The following CHODL variants were observed in gnomAD, a reference collection of about 807,000 sequenced individuals.
CHODL encodes the protein transmembrane protein MT75.
A neutral mutation model predicts 34.5 loss-of-function variants in CHODL; 29 were observed. The ratio of observed to expected loss-of-function variants is 0.84; its 90% CI spans 0.63 to 1.15. CHODL has a LOEUF of 1.15. Among genes scored for constraint, CHODL ranks in the 50% most tolerant of loss-of-function variants. CHODL has a pLI of 0.00. For missense variants in CHODL, 332 were observed against 332.5 expected (o/e 1.00, Z 0.01); for synonymous variants, 125 against 116.1 (o/e 1.08, Z -0.49).
chr21:18,109,958 G>GA (rs1340643698), intron 2 of CHODL, among the ~76,000 whole-genome samples: 7 of 152,030 alleles, frequency 4.6e-5, no homozygotes, highest in African/African-American at 1.7e-4. Flanking sequence ...AAGGAGAAAG[G>GA]AAAAAACTAT....
chr21:18,193,738 A>T (rs1016616167), intron 2 of CHODL, among the ~76,000 whole-genome samples: 1 of 150,652 alleles, frequency 6.6e-6, no homozygotes. Flanking sequence ...TAAATAAATA[A>T]ATAAATAAAA....
chr21:18,011,262 A>T (rs964865573), intron 1 of CHODL, among the ~76,000 whole-genome samples: 1 of 148,338 alleles, frequency 6.7e-6, no homozygotes, highest in Non-Finnish European at 1.5e-5. Context: ...CTGAGAAAAA[A>T]GTCGAACATT....
intron 2 of CHODL, among the ~76,000 whole-genome samples, chr21:18,092,801 G>C (rs779893267): frequency 7.9e-5 from 12 of 152,098 alleles, no homozygotes; most frequent in Non-Finnish European, 1.6e-4. Context: ...ATACAAAACA[G>C]TAAAGCTCAC....
At chr21:18,166,975 G>T (rs1456117580) in intron 2 of CHODL, among the ~76,000 whole-genome samples, 1 of 151,858 alleles carries the variant, frequency 6.6e-6, no homozygotes, top group Non-Finnish European at 1.5e-5. Context: ...GTAATTCTGT[G>T]GAATTTTTTG....
At chr21:17,941,924 T>C (rs1026515514) in intron 1 of CHODL, among the ~76,000 whole-genome samples, 6 of 152,150 alleles carry the variant, frequency 3.9e-5, no homozygotes, top group Admixed American at 1.3e-4. Context: ...TGCCACTCTC[T>C]GGGGCCACTT....
chr21:17,919,592 A>G (rs2063168294), intron 1 of CHODL, among the ~76,000 whole-genome samples: 1 of 152,050 alleles, frequency 6.6e-6, no homozygotes, highest in Non-Finnish European at 1.5e-5. Flanking sequence ...CAAGCCTATG[A>G]TAAGAGGGGC....
intron 2 of CHODL, among the ~76,000 whole-genome samples, chr21:18,098,766 T>G (rs1479293057): frequency 6.6e-6 from 1 of 152,086 alleles, no homozygotes; most frequent in Admixed American, 6.6e-5. Context: ...CAAAGAGATA[T>G]TTGTATTCCC....
intron 1 of CHODL, among the ~76,000 whole-genome samples, chr21:17,970,983 G>A (rs1024518402): frequency 1.3e-5 from 2 of 152,036 alleles, no homozygotes; most frequent in African/African-American, 2.4e-5. Flanking sequence ...AAGATGTGCT[G>A]TTCGGTTTTC....
chr21:18,012,010 T>C (rs1022678635), intron 1 of CHODL, among the ~76,000 whole-genome samples: 7 of 152,374 alleles, frequency 4.6e-5, no homozygotes, highest in African/African-American at 1.7e-4. Flanking sequence ...TCTTTAATAT[T>C]CTGTTTTTAA....
At chr21:18,129,888 TTCTCTGTGTGTG>T (rs2072632016) in intron 2 of CHODL, among the ~76,000 whole-genome samples, 1 of 110,076 alleles carries the variant, frequency 9.1e-6, no homozygotes, top group Non-Finnish European at 1.8e-5. Context: ...CTCTCTGTCT[TTCTCTGTGTGTG>T]TGTGTGTGTG....
intron 5 of CHODL, among the ~76,000 whole-genome samples, chr21:18,265,401 T>C (rs2074446698): frequency 1.3e-5 from 2 of 151,936 alleles, no homozygotes; most frequent in Admixed American, 1.3e-4. Context: ...AGACTGTTAT[T>C]CTAAGTGAAG....
chr21:18,153,048 A>G (rs1034430495), intron 2 of CHODL, among the ~76,000 whole-genome samples: 1 of 152,210 alleles, frequency 6.6e-6, no homozygotes, highest in Non-Finnish European at 1.5e-5. Flanking sequence ...CATTATGATC[A>G]ATACACTCTA....
chr21:18,245,338 G>C, intron 1 of CHODL, 36 bp downstream of exon 1: 1 of 1,481,356 alleles, frequency 6.8e-7, no homozygotes, highest in African/African-American at 1.4e-5. Flanking sequence ...GAACGAGCGG[G>C]GAGAGGGGAC....
chr21:17,919,785 G>C (rs1165887613), intron 1 of CHODL, among the ~76,000 whole-genome samples: 1 of 152,104 alleles, frequency 6.6e-6, no homozygotes, highest in Admixed American at 6.5e-5. Context: ...CTTTTATGCT[G>C]TTTCCCTTAT....
intron 1 of CHODL, among the ~76,000 whole-genome samples, chr21:17,991,198 T>G (rs186301907): frequency 6.6e-5 from 10 of 152,250 alleles, no homozygotes; most frequent in Admixed American, 6.5e-4. Flanking sequence ...TCTTTATCCA[T>G]TCATCATTGA....
chr21:17,957,289 G>A (rs1396140798), intron 1 of CHODL, among the ~76,000 whole-genome samples: 4 of 151,838 alleles, frequency 2.6e-5, no homozygotes, highest in East Asian at 1.9e-4. Flanking sequence ...TCTATTCTTC[G>A]GTTGCAGAAT....
intron 2 of CHODL, among the ~76,000 whole-genome samples, chr21:18,142,028 G>T (rs548411121): frequency 2.0e-5 from 3 of 152,190 alleles, no homozygotes; most frequent in African/African-American, 7.2e-5. Context: ...TGCCCCCAAA[G>T]AATTCGGAAA....
At chr21:18,143,857 C>T (rs1490134189) in intron 2 of CHODL, among the ~76,000 whole-genome samples, 1 of 151,990 alleles carries the variant, frequency 6.6e-6, no homozygotes, top group Non-Finnish European at 1.5e-5. Context: ...ATTAGGCTAT[C>T]CTTTTATAAA....
intron 1 of CHODL, among the ~76,000 whole-genome samples, chr21:17,919,496 G>A (rs113292789): frequency 0.018 from 2,716 of 152,238 alleles, 59 homozygotes; most frequent in African/African-American, 0.053. Flanking sequence ...GGAGCAGCTG[G>A]GACACAGGGC....
Sources: gnomAD v4.1 joint callset for allele counts (sites outside exome capture counted in the v4.1 genomes callset) on GRCh38, gnomAD v4.1.1 for gene constraint, MANE v1.5 for transcripts, NCBI Gene and HGNC (gene_info 2026-07-23, HGNC 2026-07-21) for gene names.